DOCK1: variants seen among roughly 807,000 people sequenced by gnomAD.
DOCK1 encodes dedicator of cytokinesis protein 1.
A neutral mutation model predicts 262.7 loss-of-function variants in DOCK1; 138 were observed. The observed-to-expected ratio is 0.53, with a 90% CI of 0.46 to 0.61. DOCK1 has a LOEUF of 0.61. DOCK1 is among the 20% of genes least tolerant of loss of function. The pLI, the probability that DOCK1 is intolerant of heterozygous loss-of-function variation, is 0.00. For missense variants in DOCK1, 1,908 were observed against 2,370.7 expected (o/e 0.80, Z 4.05); for synonymous variants, 866 against 867.4 (o/e 1.00, Z 0.03).
At position 127,202,324 on chromosome 10, in the gene DOCK1, A is replaced by G. The variant is rs76124846; in HGVS notation, c.2848-45684A>G. 1.8e-3 allele frequency among the ~76,000 whole-genome samples: 255 copies of G among 143,112 alleles called. 2 individuals carry two copies. Among genetic ancestry groups the G allele is most frequent in the East Asian group, 0.015 (69 of 4,666 alleles). The allele number at this position is 143,112 out of a possible 152,430, so 93.9% of individuals were successfully genotyped here. A position where few individuals can be genotyped will look rare whatever the true frequency, so the allele number is the denominator to read the frequency against. On this transcript the variant is annotated intron_variant, in intron 27 of 51. Coordinates refer to ENST00000623213, the MANE Select transcript of DOCK1 (RefSeq NM_001290223.2). ...GGTGACAGAGCGAGACTCTGTCTCC[A>G]AAAAAAAAAAAAGAACTAGGACAGG...
At chr10:127,247,908 T>G in intron 27 of DOCK1, 100 bp from the exon 28 acceptor site, 1 of 1,168,758 alleles carries the variant, frequency 8.6e-7, no homozygotes, top group South Asian at 1.4e-5. Context: ...CCCCGTTGCT[T>G]CTCCCTGACA....
chr10:127,025,767 A>T (rs1042184395), intron 15 of DOCK1, among the ~76,000 whole-genome samples: 11 of 152,042 alleles, frequency 7.2e-5, no homozygotes, highest in Admixed American at 1.3e-4. Context: ...AGCAACGTTT[A>T]AAAGTAGAAT....
intron 29 of DOCK1, among the ~76,000 whole-genome samples, chr10:127,276,504 C>T (rs551057468): frequency 6.6e-6 from 1 of 152,254 alleles, no homozygotes; most frequent in South Asian, 2.1e-4. Context: ...GCTCCTGTTC[C>T]TTCTCTCGCC....
intron 2 of DOCK1, among the ~76,000 whole-genome samples, chr10:126,971,882 A>G (rs1336611687): frequency 2.0e-5 from 3 of 151,590 alleles, no homozygotes; most frequent in Non-Finnish European, 4.4e-5. Context: ...GAGATTTATC[A>G]TAGTTATATG....
intron 34 of DOCK1, 65 bp from the exon 35 acceptor site, chr10:127,373,993 A>G: frequency 1.9e-6 from 3 of 1,543,390 alleles, no homozygotes; most frequent in Non-Finnish European, 2.6e-6. Flanking sequence ...AATAGTTAAA[A>G]TTGCACCTCT....
At chr10:127,104,069 T>A (rs887173049) in intron 23 of DOCK1, among the ~76,000 whole-genome samples, 3 of 152,230 alleles carry the variant, frequency 2.0e-5, no homozygotes, top group African/African-American at 7.2e-5. Flanking sequence ...CCATCTATCT[T>A]CTATGGAGAA....
At chr10:127,288,126 A>ATTT (rs2061224842) in intron 29 of DOCK1, among the ~76,000 whole-genome samples, 1 of 152,106 alleles carries the variant, frequency 6.6e-6, no homozygotes, top group Non-Finnish European at 1.5e-5. Context: ...TTTTTTCTTT[A>ATTT]ATACCTTCAT....
At chr10:127,342,764 G>T (rs897770519) in intron 30 of DOCK1, among the ~76,000 whole-genome samples, 2 of 139,866 alleles carry the variant, frequency 1.4e-5, no homozygotes, top group Non-Finnish European at 3.2e-5. Flanking sequence ...TCTAAAGGCC[G>T]TTGTCTTTTA....
At position 126,968,036 on chromosome 10, in the gene DOCK1, G is replaced by A. The variant is rs145483087; in HGVS notation, c.47-2666G>A. ...TTGCCTTGATAGCTAGGCTGGTCTC[G>A]AACTCCTGGCCTCAAGTGATCTGCC... On this transcript the variant is annotated intron_variant, in intron 1 of 51. Coordinates refer to ENST00000623213, the MANE Select transcript of DOCK1 (RefSeq NM_001290223.2). 8.4e-4 allele frequency among the ~76,000 whole-genome samples: 128 copies of A among 151,992 alleles called. 1 individual carries two copies. The East Asian group carries it at 0.023, about 27-fold the overall frequency.
chr10:127,085,376 A>T (rs945241818), intron 23 of DOCK1, among the ~76,000 whole-genome samples: 2 of 152,202 alleles, frequency 1.3e-5, no homozygotes, highest in Non-Finnish European at 2.9e-5. Context: ...CATCATGGCA[A>T]AGAGACAGTA....
intron 1 of DOCK1, among the ~76,000 whole-genome samples, chr10:126,953,388 G>A (rs1269314035): frequency 6.6e-6 from 1 of 151,410 alleles, no homozygotes; most frequent in Admixed American, 6.6e-5. Context: ...CATAGTGTTG[G>A]TAGTGGTGGT....
At chr10:127,401,339 G>C (rs997490514) in intron 38 of DOCK1, among the ~76,000 whole-genome samples, 8 of 152,158 alleles carry the variant, frequency 5.3e-5, no homozygotes, top group Non-Finnish European at 1.2e-4. Context: ...CGATTGAGGG[G>C]CATAACGCAG....
At chr10:127,083,754 AAAATCTT>A (rs1384966942) in intron 23 of DOCK1, among the ~76,000 whole-genome samples, 1 of 152,228 alleles carries the variant, frequency 6.6e-6, no homozygotes, top group African/African-American at 2.4e-5. Flanking sequence ...AAATTTGCTT[AAAATCTT>A]TAAGAAGCCA....
chr10:127,404,806 A>G (rs1169545390), intron 40 of DOCK1, among the ~76,000 whole-genome samples: 1 of 152,158 alleles, frequency 6.6e-6, no homozygotes, highest in African/African-American at 2.4e-5. Flanking sequence ...GAACTTTTTC[A>G]TCTTGCAAAA....
intron 27 of DOCK1, among the ~76,000 whole-genome samples, chr10:127,233,717 C>T (rs140964154): frequency 3.1e-4 from 47 of 152,244 alleles, no homozygotes; most frequent in African/African-American, 1.1e-3. Flanking sequence ...TTTCAGCGAA[C>T]GGATAAATAC....
intron 31 of DOCK1, among the ~76,000 whole-genome samples, chr10:127,347,224 A>G (rs1303667534): frequency 6.6e-6 from 1 of 152,244 alleles, no homozygotes; most frequent in African/African-American, 2.4e-5. Context: ...CATAAAAGGG[A>G]TTCAGTGCCC....
rs369297942 is a variant in DOCK1 at position 127,373,922 on chromosome 10, C to A, written c.3518+56C>A. 30 of 1,555,078 alleles carry A rather than the reference C, an allele frequency of 1.9e-5. No homozygotes were observed. In the African/African-American group the frequency reaches 2.3e-4, roughly 12 times the overall value. On this transcript the variant is annotated intron_variant, in intron 34 of 51. Transcript: ENST00000623213. ...CTGAGAGATACAGAGACAGAGAGAC[C>A]GTAATTAGACTACAATGAACTTTGT...
chr10:127,039,768 TC>T (rs2043894912), intron 19 of DOCK1, among the ~76,000 whole-genome samples: 1 of 152,206 alleles, frequency 6.6e-6, no homozygotes, highest in Non-Finnish European at 1.5e-5. Context: ...ATTCAGGACC[TC>T]CCTTCTGAGT....
In DOCK1 at chr10:127,154,006, C is replaced by T. The variant is rs558447875; in HGVS notation, c.2847+26242C>T. On this transcript the variant is annotated intron_variant, in intron 27 of 51. Transcript: ENST00000623213. The stretch of plus-strand genomic sequence containing the variant: ...AGAGCAGATGCCTCAAATCAAATGC[C>T]TTCCCAATGCCAAGCTCATCATGGT... 8 of 876,762 alleles carry T rather than the reference C, an allele frequency of 9.1e-6. No individual in the cohort carries two copies. In the South Asian group the frequency reaches 1.1e-4, roughly 12 times the overall value. 54.3% of individuals were successfully genotyped at this position (876,762 alleles called of 1,614,324 possible).
Sources: gnomAD v4.1 joint callset for allele counts (sites outside exome capture counted in the v4.1 genomes callset) on GRCh38, gnomAD v4.1.1 for gene constraint, MANE v1.5 for transcripts, NCBI Gene and HGNC (gene_info 2026-07-23, HGNC 2026-07-21) for gene names.